Variants in GC observed in about 807,000 individuals in gnomAD.
GC encodes the protein GC vitamin D binding protein.
Under a neutral mutation model 56.7 loss-of-function variants are expected in GC, and 43 were observed. The ratio of observed to expected loss-of-function variants is 0.76; its 90% CI spans 0.59 to 0.98. The LOEUF (loss-of-function observed/expected upper bound fraction) is 0.98, where lower values mean the gene tolerates loss of function less well. Ranked by LOEUF, GC falls within the 50% of genes least tolerant of loss-of-function variation. The pLI is 0.00. For missense variants in GC, 529 were observed against 545.9 expected, an observed-to-expected ratio of 0.97 and a Z score of 0.31; for synonymous variants, 216 against 202.7, an observed-to-expected ratio of 1.07 and a Z score of -0.56.
chr4:71,772,947 T>C (rs2149303368), intron 1 of GC, among the ~76,000 whole-genome samples: 1 of 152,204 alleles, frequency 6.6e-6, no homozygotes, highest in East Asian at 1.9e-4. Context: ...AATTTTCAAA[T>C]ACAGCAAATA....
At chr4:71,802,629 C>T (rs541428745) in intron 1 of GC, among the ~76,000 whole-genome samples, 1 of 152,318 alleles carries the variant, frequency 6.6e-6, no homozygotes, top group South Asian at 2.1e-4. Context: ...AGTTGAACCA[C>T]TGCAGTTAGG....
intron 12 of GC, among the ~76,000 whole-genome samples, chr4:71,743,035 G>T (rs934341487): frequency 3.3e-5 from 5 of 152,244 alleles, no homozygotes; most frequent in African/African-American, 1.2e-4. Flanking sequence ...ATGCAAGTGT[G>T]GCCACAATCA....
At chr4:71,803,904 A>G (rs1409017001) in intron 1 of GC, 3 of 1,420,956 alleles carry the variant, frequency 2.1e-6, no homozygotes, top group African/African-American at 2.8e-5. Context: ...ACTTGAAATT[A>G]TTTGGAATTA....
chr4:71,747,683 T>C (rs774505167), intron 11 of GC, among the ~76,000 whole-genome samples: 4 of 151,494 alleles, frequency 2.6e-5, no homozygotes, highest in African/African-American at 4.9e-5. Context: ...GTGTGAGGAG[T>C]TGGAGTATAT....
Position 71,768,361 on chromosome 4 carries a change from A to G in GC, c.201T>C (p.Val67=), listed in dbSNP as rs753682933. The change falls in exon 3 of 13, where the codon GTT becomes GTC. Residue 67 remains valine, a synonymous_variant. Transcript: ENST00000273951. ...CACAGCAGGCTTCGGTCAAGGAGAC[A>G]ACTTCCTTCACAAGTTGGCTGACCT... ...FEQVSQLVKE[V]VSLTEACCAE... The G allele has an allele frequency of 1.9e-5, 30 of 1,613,422 alleles. No homozygotes were observed. Among genetic ancestry groups the G allele is most frequent in the African/African-American group, 2.7e-5 (2 of 74,904 alleles).
At chr4:71,790,602 A>T (rs997561854) in intron 1 of GC, among the ~76,000 whole-genome samples, 11 of 150,992 alleles carry the variant, frequency 7.3e-5, no homozygotes, top group African/African-American at 2.7e-4. Flanking sequence ...CTTTTGTCTC[A>T]GTTGAATATT....
intron 12 of GC, 66 bp downstream of exon 12, chr4:71,746,085 T>C (rs1247215306): frequency 1.4e-6 from 1 of 727,640 alleles, no homozygotes; most frequent in African/African-American, 1.8e-5. Flanking sequence ...CTTCCCATTC[T>C]TTGATATTTA....
intron 1 of GC, among the ~76,000 whole-genome samples, chr4:71,783,148 T>C (rs1349864238): frequency 6.6e-6 from 1 of 151,754 alleles, no homozygotes; most frequent in African/African-American, 2.4e-5. Flanking sequence ...ACGAATTAGG[T>C]GAGGCTGTTA....
chr4:71,753,246 C>T (rs1455018566), intron 10 of GC, among the ~76,000 whole-genome samples: 1 of 152,156 alleles, frequency 6.6e-6, no homozygotes, highest in African/African-American at 2.4e-5. Context: ...CGTCTCTCCA[C>T]TCCCATGAAC....
At chr4:71,769,553 A>G in intron 1 of GC, 153 bp from the exon 2 acceptor site, 1 of 584,824 alleles carries the variant, frequency 1.7e-6, no homozygotes. Flanking sequence ...GGGCCTTTCT[A>G]GCTCTTCTCT....
intron 1 of GC, among the ~76,000 whole-genome samples, chr4:71,791,306 C>T (rs377424679): frequency 6.6e-6 from 1 of 151,992 alleles, no homozygotes; most frequent in Admixed American, 6.6e-5. Context: ...CATGATTTTT[C>T]ATTATCTTCT....
At position 71,758,151 on chromosome 4, in the gene GC, T is replaced by G; in HGVS notation, c.722A>C (p.Gln241Pro). The G allele has an allele frequency of 6.2e-7, 1 of 1,613,206 alleles. No homozygotes were observed. Among genetic ancestry groups the G allele is most frequent in the East Asian group, 2.2e-5 (1 of 44,862 alleles). Residue 241 changes from glutamine to proline, a missense_variant, in exon 7 of 13, where the codon CAA (glutamine) becomes CCA (proline). By Grantham distance (76) the Gln-to-Pro change is moderately conservative. Transcript: ENST00000273951. ...SRLSNLIKLA[Q>P]KVPTADLEDV... Reference sequence around the variant, plus strand: ...CTCCAGATCAGCAGTAGGCACTTTTTGGGCTAACTTTATGAGATTGCTAAA... The same window carrying G: ...CTCCAGATCAGCAGTAGGCACTTTTGGGGCTAACTTTATGAGATTGCTAAA...
intron 1 of GC, among the ~76,000 whole-genome samples, chr4:71,773,300 T>TA (rs535868916): frequency 1.3e-5 from 2 of 152,244 alleles, no homozygotes; most frequent in South Asian, 2.1e-4. Flanking sequence ...TTTCACTTTT[T>TA]ATCTATATTG....
chr4:71,779,022 A>C (rs1413606228), intron 1 of GC, among the ~76,000 whole-genome samples: 1 of 151,444 alleles, frequency 6.6e-6, no homozygotes, highest in East Asian at 1.9e-4. Context: ...CAGACACATC[A>C]GCTATCTCCT....
chr4:71,762,066 G>T (rs1741997972), intron 6 of GC, among the ~76,000 whole-genome samples: 1 of 152,182 alleles, frequency 6.6e-6, no homozygotes, highest in East Asian at 1.9e-4. Context: ...CTGACAGCTT[G>T]CACTGTGCAC....
intron 11 of GC, among the ~76,000 whole-genome samples, chr4:71,748,330 A>T (rs1165527759): frequency 6.6e-6 from 1 of 152,122 alleles, no homozygotes; most frequent in Non-Finnish European, 1.5e-5. Context: ...CAAGAAAGAC[A>T]GGTGGTGGGG....
At chr4:71,793,786 G>A (rs959244336) in intron 1 of GC, among the ~76,000 whole-genome samples, 69 of 152,156 alleles carry the variant, frequency 4.5e-4, no homozygotes, top group African/African-American at 1.7e-3. Context: ...GATATTGGCT[G>A]TGGGTTTGTG....
At chr4:71,769,262 A>G (rs1426779280) in intron 2 of GC, 69 bp downstream of exon 2, 4 of 1,168,638 alleles carry the variant, frequency 3.4e-6, no homozygotes, top group Non-Finnish European at 5.1e-6. Flanking sequence ...TGCTGAGTCA[A>G]AGTTACCTCA....
At chr4:71,774,833 G>A (rs919846866) in intron 1 of GC, among the ~76,000 whole-genome samples, 1 of 151,716 alleles carries the variant, frequency 6.6e-6, no homozygotes, top group Non-Finnish European at 1.5e-5. Flanking sequence ...ATGAAAAATT[G>A]TACTTTAACT....
Sources: gnomAD v4.1 joint callset for allele counts (sites outside exome capture counted in the v4.1 genomes callset) on GRCh38, gnomAD v4.1.1 for gene constraint, MANE v1.5 for transcripts, NCBI Gene and HGNC (gene_info 2026-07-23, HGNC 2026-07-21) for gene names.